The following ZFHX3 variants were observed in gnomAD, a reference collection of about 807,000 sequenced individuals.
The protein encoded by ZFHX3 is zinc finger homeobox protein 3.
In ZFHX3, 42 loss-of-function variants were observed where a neutral mutation model predicts 279.1. The observed-to-expected ratio is 0.15, with a 90% CI of 0.12 to 0.19. The LOEUF (loss-of-function observed/expected upper bound fraction) is 0.19. Ranked by LOEUF, ZFHX3 falls within the 10% of genes least tolerant of loss-of-function variation. The pLI is 1.00. For synonymous variants in ZFHX3, 2,293 were observed against 1,957.8 expected (o/e 1.17, Z -4.52); for missense variants, 4,981 against 4,754.0 (o/e 1.05, Z -1.40).
At chr16:73,647,735 GA>G (rs201738097) in intron 2 of ZFHX3, among the ~76,000 whole-genome samples, 1 of 147,856 alleles carries the variant, frequency 6.8e-6, no homozygotes, top group Non-Finnish European at 1.5e-5. Context: ...AAGCAGAAGA[GA>G]AAAAAAAACA....
At position 73,743,845 on chromosome 16, in the gene ZFHX3, G is replaced by A. The variant is rs113229897; in HGVS notation, c.-1607-63605C>T. ...TATGGAAGCACTGCAAACAGCTGCA[G>A]ACACAACTCTAGGGGGCGCCATGCA... On this transcript the variant is annotated intron_variant, in intron 1 of 17. Coordinates refer to the ZFHX3 transcript ENST00000641206. 6.7e-3 allele frequency among the ~76,000 whole-genome samples: 1,020 copies of A among 152,234 alleles called. 14 individuals carry two copies. The highest frequency in any genetic ancestry group is 0.023 in the African/African-American group (967 of 41,548).
chr16:73,004,817 C>A (rs1422102469), intron 1 of ZFHX3, among the ~76,000 whole-genome samples: 1 of 152,202 alleles, frequency 6.6e-6, no homozygotes, highest in African/African-American at 2.4e-5. Context: ...TAATATTCCT[C>A]ACTGCCCTAT....
At chr16:72,800,699 T>C (rs777885393) in intron 7 of ZFHX3, among the ~76,000 whole-genome samples, 3 of 152,088 alleles carry the variant, frequency 2.0e-5, no homozygotes, top group Admixed American at 6.5e-5. Flanking sequence ...AAAACAACAT[T>C]TGTAACCCTT....
chr16:73,748,348 C>T (rs1242850676), intron 1 of ZFHX3, among the ~76,000 whole-genome samples: 2 of 152,164 alleles, frequency 1.3e-5, no homozygotes, highest in African/African-American at 4.8e-5. Context: ...TCTATTAAAT[C>T]TTTCTAAAAT....
chr16:73,077,865 C>G (rs544573876), intron 8 of ZFHX3, among the ~76,000 whole-genome samples: 1 of 152,100 alleles, frequency 6.6e-6, no homozygotes, highest in East Asian at 1.9e-4. Flanking sequence ...AGTGCAATGA[C>G]GTGATTTCAG....
intron 2 of ZFHX3, among the ~76,000 whole-genome samples, chr16:73,620,072 C>A (rs1326142737): frequency 6.6e-6 from 1 of 152,180 alleles, no homozygotes; most frequent in African/African-American, 2.4e-5. Context: ...TACAGGTGTG[C>A]ACCACCATGC....
intron 1 of ZFHX3, among the ~76,000 whole-genome samples, chr16:73,816,602 G>C (rs1411985565): frequency 6.7e-6 from 1 of 149,342 alleles, no homozygotes; most frequent in African/African-American, 2.5e-5. Context: ...TCCAAAAAAG[G>C]CTGAACAAAG....
chr16:73,192,659 T>G (rs1968067871), intron 5 of ZFHX3, among the ~76,000 whole-genome samples: 1 of 152,224 alleles, frequency 6.6e-6, no homozygotes, highest in Admixed American at 6.5e-5. Flanking sequence ...GGGCTGATCC[T>G]GTTTTTGAAG....
At chr16:73,771,367 A>C (rs2054015831) in intron 1 of ZFHX3, among the ~76,000 whole-genome samples, 1 of 151,936 alleles carries the variant, frequency 6.6e-6, no homozygotes, top group African/African-American at 2.4e-5. Flanking sequence ...ACTCAGCCTA[A>C]CTCCCACAGC....
chr16:73,670,019 T>C (rs2052886280), intron 2 of ZFHX3, among the ~76,000 whole-genome samples: 3 of 152,284 alleles, frequency 2.0e-5, no homozygotes, highest in Admixed American at 2.0e-4. Flanking sequence ...TGAATAAAAA[T>C]AGCACCTGCA....
chr16:73,053,631 T>C (rs1004728558), intron 1 of ZFHX3, among the ~76,000 whole-genome samples: 1 of 151,812 alleles, frequency 6.6e-6, no homozygotes, highest in East Asian at 1.9e-4. Flanking sequence ...GATGTCGGAG[T>C]GTTTAACCAG....
chr16:73,583,695 T>C (rs979185161), intron 2 of ZFHX3, among the ~76,000 whole-genome samples: 1 of 152,216 alleles, frequency 6.6e-6, no homozygotes, highest in Non-Finnish European at 1.5e-5. Context: ...AATTCTATCA[T>C]GCTTAATTCA....
intron 5 of ZFHX3, among the ~76,000 whole-genome samples, chr16:73,241,798 A>AAAAAAAAAAAAAAAAAAC (rs2013131898): frequency 6.6e-6 from 1 of 150,476 alleles, no homozygotes; most frequent in African/African-American, 2.4e-5. Flanking sequence ...CTCAAAAAAA[A>AAAAAAAAAAAAAAAAAAC]AAAAAAAAAA....
chr16:73,313,627 C>T (rs570853098), intron 4 of ZFHX3, among the ~76,000 whole-genome samples: 13 of 152,064 alleles, frequency 8.5e-5, no homozygotes, highest in Non-Finnish European at 1.3e-4. Context: ...GACTCCATAG[C>T]GGTATTAGTA....
At chr16:72,851,706 C>A (rs1301822202) in intron 4 of ZFHX3, among the ~76,000 whole-genome samples, 1 of 152,062 alleles carries the variant, frequency 6.6e-6, no homozygotes. Context: ...AGGCCCCTAC[C>A]ACCACGGCTA....
intron 5 of ZFHX3, among the ~76,000 whole-genome samples, chr16:73,188,388 G>A (rs1162691961): frequency 1.3e-5 from 2 of 152,108 alleles, no homozygotes; most frequent in South Asian, 4.1e-4. Context: ...AGGGACTTTT[G>A]CAGCCATTTC....
At chr16:72,920,849 T>C (rs9927569) in intron 3 of ZFHX3, among the ~76,000 whole-genome samples, 48,060 of 151,286 alleles carry the variant, frequency 0.32, 8,167 homozygotes, top group African/African-American at 0.42. Context: ...GTGGGACGAT[T>C]GCTTGAAGCC....
At position 73,642,989 on chromosome 16, in the gene ZFHX3, A is replaced by T. The variant is rs74419715; in HGVS notation, c.-1547+37191T>A. ...GCCCTGCACCAAAGCCAACAATAGA[A>T]TTTGAAGAGATTTTCAGTTAAATTA... is the stretch of plus-strand genomic sequence containing the variant. On this transcript the variant is annotated intron_variant, in intron 2 of 17. Coordinates refer to the ZFHX3 transcript ENST00000641206. Among the ~76,000 whole-genome samples the T allele has an allele frequency of 1.9e-3, 284 of 152,286 alleles. 2 individuals are homozygous for T. The highest frequency in any genetic ancestry group is 6.7e-3 in the African/African-American group (277 of 41,552).
chr16:73,541,724 G>T (rs757108544), intron 2 of ZFHX3, among the ~76,000 whole-genome samples: 1 of 147,920 alleles, frequency 6.8e-6, no homozygotes. Context: ...GAGTGCAGTC[G>T]CCATTCCTCC....
Sources: allele counts gnomAD v4.1 joint callset (sites outside exome capture counted in the v4.1 genomes callset), GRCh38; gene constraint gnomAD v4.1.1; transcripts MANE v1.5; gene names NCBI Gene and HGNC (gene_info 2026-07-23, HGNC 2026-07-21).